LDLRAD4: variants seen among roughly 807,000 people sequenced by gnomAD.
The protein encoded by LDLRAD4 is low density lipoprotein receptor class A domain containing 4, also known as low-density lipoprotein receptor class A domain-containing protein 4.
A neutral mutation model predicts 17.0 loss-of-function variants in LDLRAD4; 5 were observed. The observed-to-expected ratio is 0.29, with a 90% CI of 0.15 to 0.62. LDLRAD4 has a LOEUF of 0.62. LDLRAD4 is among the 20% of genes least tolerant of loss of function. The pLI is 0.84. For missense variants in LDLRAD4, 340 were observed against 424.7 expected, an observed-to-expected ratio of 0.80 and a Z score of 1.75; for synonymous variants, 168 against 171.8, an observed-to-expected ratio of 0.98 and a Z score of 0.17.
chr18:13,240,085 GGACA>G (rs2042552034), intron 1 of LDLRAD4: 1 of 152,232 alleles, frequency 6.6e-6, no homozygotes, highest in Non-Finnish European at 1.5e-5. Flanking sequence ...GGATGGCCTT[GGACA>G]TAGAAACTCA....
At chr18:13,612,381 G>T (rs2039653766) in intron 3 of LDLRAD4, 12 of 1,175,822 alleles carry the variant, frequency 1.0e-5, no homozygotes, top group Non-Finnish European at 1.3e-5. Flanking sequence ...TTCTCTGCTC[G>T]GTGACACGGC....
chr18:13,335,447 C>A (rs1206775400), intron 1 of LDLRAD4, among the ~76,000 whole-genome samples: 2 of 152,168 alleles, frequency 1.3e-5, no homozygotes, highest in African/African-American at 4.8e-5. Context: ...ACCCTGTCTC[C>A]CACCATCTTT....
chr18:13,499,310 T>TGC (rs2093565577), intron 3 of LDLRAD4, among the ~76,000 whole-genome samples: 1 of 108,494 alleles, frequency 9.2e-6, no homozygotes, highest in Non-Finnish European at 1.8e-5. Context: ...ATCCTTCTAC[T>TGC]CACACACGTC....
chr18:13,326,523 G>C (rs1229801476), intron 1 of LDLRAD4, among the ~76,000 whole-genome samples: 2 of 152,218 alleles, frequency 1.3e-5, no homozygotes, highest in African/African-American at 4.8e-5. Flanking sequence ...ACAGACTTCA[G>C]TTTTAACCTA....
chr18:13,246,046 A>C (rs1044315914), intron 1 of LDLRAD4, among the ~76,000 whole-genome samples: 4 of 152,270 alleles, frequency 2.6e-5, no homozygotes, highest in African/African-American at 9.6e-5. Flanking sequence ...GAGCAAATTA[A>C]AAATGCATTG....
intron 1 of LDLRAD4, chr18:13,240,028 A>T (rs919353804): frequency 1.3e-5 from 2 of 152,252 alleles, no homozygotes; most frequent in African/African-American, 4.8e-5. Flanking sequence ...TGGCCAAGGA[A>T]GGGATTTCCT....
intron 2 of LDLRAD4, among the ~76,000 whole-genome samples, chr18:13,390,001 T>A (rs2086144877): frequency 6.6e-6 from 1 of 152,222 alleles, no homozygotes; most frequent in Non-Finnish European, 1.5e-5. Context: ...TTATTTGTAA[T>A]TTATGAATAA....
chr18:13,596,662 C>T (rs1447391954), intron 3 of LDLRAD4, among the ~76,000 whole-genome samples: 2 of 152,066 alleles, frequency 1.3e-5, no homozygotes, highest in African/African-American at 4.8e-5. Flanking sequence ...TACTTTGTGT[C>T]ATTTTATGTC....
intron 2 of LDLRAD4, among the ~76,000 whole-genome samples, chr18:13,429,956 C>T (rs1454451288): frequency 6.6e-6 from 1 of 151,916 alleles, no homozygotes; most frequent in Non-Finnish European, 1.5e-5. Context: ...GGAAGGAGGC[C>T]GGTATCCTGG....
intron 2 of LDLRAD4, among the ~76,000 whole-genome samples, chr18:13,437,488 G>A (rs1026912230): frequency 7.2e-5 from 11 of 152,200 alleles, no homozygotes; most frequent in Non-Finnish European, 1.5e-4. Context: ...TTATTTTAAA[G>A]TCCTACAAAA....
At chr18:13,570,920 A>G (rs1353814594) in intron 3 of LDLRAD4, among the ~76,000 whole-genome samples, 1 of 152,112 alleles carries the variant, frequency 6.6e-6, no homozygotes, top group Non-Finnish European at 1.5e-5. Flanking sequence ...CTAGGCTCAA[A>G]TAATCTTCTT....
At chr18:13,535,610 GT>G (rs1360581408) in intron 3 of LDLRAD4, among the ~76,000 whole-genome samples, 2 of 152,052 alleles carry the variant, frequency 1.3e-5, no homozygotes, top group Non-Finnish European at 2.9e-5. Flanking sequence ...TCTGTGGTTT[GT>G]TTTTTGTTTT....
chr18:13,380,340 C>G (rs1253531704), intron 1 of LDLRAD4, among the ~76,000 whole-genome samples: 1 of 152,206 alleles, frequency 6.6e-6, no homozygotes, highest in Non-Finnish European at 1.5e-5. Flanking sequence ...TGCAGGCTCT[C>G]CCTCCTGAGC....
chr18:13,390,578 G>A (rs1220291409), intron 2 of LDLRAD4, among the ~76,000 whole-genome samples: 1 of 152,166 alleles, frequency 6.6e-6, no homozygotes, highest in African/African-American at 2.4e-5. Flanking sequence ...TCACTTTAAA[G>A]TCTGGGAAGC....
intron 4 of LDLRAD4, among the ~76,000 whole-genome samples, chr18:13,640,916 CG>C (rs1467918918): frequency 1.3e-5 from 2 of 152,182 alleles, no homozygotes; most frequent in African/African-American, 4.8e-5. Flanking sequence ...ATGTGTGTCA[CG>C]CATGTAGGTC....
intron 3 of LDLRAD4, among the ~76,000 whole-genome samples, chr18:13,493,960 C>T (rs974895195): frequency 2.0e-5 from 3 of 152,220 alleles, no homozygotes; most frequent in South Asian, 2.1e-4. Flanking sequence ...AGCATGGAGG[C>T]GTGTGGTCCA....
intron 4 of LDLRAD4, among the ~76,000 whole-genome samples, chr18:13,628,554 T>G (rs2041379863): frequency 6.6e-6 from 1 of 152,256 alleles, no homozygotes; most frequent in Non-Finnish European, 1.5e-5. Flanking sequence ...TTGAAAGGTT[T>G]TGCCCTTTGC....
chr18:13,310,161 A>G (rs777630265), intron 1 of LDLRAD4, among the ~76,000 whole-genome samples: 49 of 144,476 alleles, frequency 3.4e-4, no homozygotes, highest in Non-Finnish European at 6.2e-4. Flanking sequence ...CCTGCGCAAC[A>G]TAGTGAGACC....
At chr18:13,266,515 C>T (rs1052810805) in intron 1 of LDLRAD4, among the ~76,000 whole-genome samples, 4 of 152,234 alleles carry the variant, frequency 2.6e-5, no homozygotes, top group Non-Finnish European at 5.9e-5. Flanking sequence ...CGGGAGGATT[C>T]CGAGGGTCTC....
Sources: gnomAD v4.1 joint callset for allele counts (sites outside exome capture counted in the v4.1 genomes callset) on GRCh38, gnomAD v4.1.1 for gene constraint, MANE v1.5 for transcripts, NCBI Gene and HGNC (gene_info 2026-07-23, HGNC 2026-07-21) for gene names.